CEP63: variants seen among roughly 807,000 people sequenced by gnomAD.
The protein encoded by CEP63 is centrosomal protein of 63 kDa.
CEP63 carries 84 observed loss-of-function variants against 89.1 expected under a neutral mutation model. The observed-to-expected ratio is 0.94, with a 90% CI of 0.79 to 1.13. CEP63 has a LOEUF of 1.13. Among genes scored for constraint, CEP63 ranks in the 50% most tolerant of loss-of-function variants. The pLI is 0.00. For synonymous variants in CEP63, 267 were observed against 272.5 expected, an observed-to-expected ratio of 0.98 and a Z score of 0.20; for missense variants, 838 against 813.3, an observed-to-expected ratio of 1.03 and a Z score of -0.37.
In CEP63 at chr3:134,556,414, A is replaced by AG. The variant is rs1299482826; in HGVS notation, c.1468-1726dup. 2.6e-5 allele frequency among the ~76,000 whole-genome samples: 4 copies of AG among 152,110 alleles called. No homozygotes were observed. The East Asian group carries it at 7.7e-4, about 29-fold the overall frequency. On this transcript the variant is annotated intron_variant, in intron 12 of 14. Coordinates refer to ENST00000675561, the MANE Select transcript of CEP63 (RefSeq NM_001353108.3). ...CCCACGAGGTTGGGAATAATAGGAG[A>AG]GGAGACAATAGCTAAACATTTTGTA...
At chr3:134,652,444 G>GCCCCCCCCCCCCCCCCCCCCC in the CEP63 span, among the ~76,000 whole-genome samples, 1 of 144,622 alleles carries the variant, frequency 6.9e-6, no homozygotes, top group African/African-American at 2.6e-5. Flanking sequence ...CATTACCAGC[G>GCCCCCCCCCCCCCCCCCCCCC]CCCCCCCCCA....
the CEP63 span, chr3:134,604,299 G>A: frequency 1.1e-4 from 184 of 1,613,860 alleles, no homozygotes; most frequent in Middle Eastern, 3.3e-4. Flanking sequence ...TGTAGATGTC[G>A]GAGTTGCCCT....
At chr3:134,656,024 G>C in the CEP63 span, among the ~76,000 whole-genome samples, 1 of 152,176 alleles carries the variant, frequency 6.6e-6, no homozygotes, top group Non-Finnish European at 1.5e-5. Flanking sequence ...GGTGAGGATG[G>C]TTACACTGTA....
chr3:134,485,989 A>G (rs1283754068), upstream of CEP63: 5 of 822,080 alleles, frequency 6.1e-6, no homozygotes, highest in East Asian at 2.6e-4. Flanking sequence ...TGCTCCTGCC[A>G]CGCCCCCCCC....
the CEP63 span, among the ~76,000 whole-genome samples, chr3:134,705,278 C>A: frequency 6.6e-6 from 1 of 152,126 alleles, no homozygotes; most frequent in Non-Finnish European, 1.5e-5. Flanking sequence ...TGTGTCATAA[C>A]ATGGTGGAGA....
the CEP63 span, chr3:134,624,944 A>G: frequency 6.1e-6 from 6 of 976,276 alleles, no homozygotes; most frequent in African/African-American, 6.5e-5. Context: ...GGGCCATCCA[A>G]CCAAGCCACT....
At chr3:134,719,679 C>G in the CEP63 span, among the ~76,000 whole-genome samples, 1 of 152,140 alleles carries the variant, frequency 6.6e-6, no homozygotes, top group Non-Finnish European at 1.5e-5. Context: ...TACCTTCTGT[C>G]TCTATGTATA....
At chr3:134,616,869 G>A in the CEP63 span, among the ~76,000 whole-genome samples, 1 of 152,160 alleles carries the variant, frequency 6.6e-6, no homozygotes, top group Non-Finnish European at 1.5e-5. Context: ...AAATCGGGTT[G>A]GTAACCCCCA....
At chr3:134,711,132 TA>T in the CEP63 span, among the ~76,000 whole-genome samples, 1 of 152,214 alleles carries the variant, frequency 6.6e-6, no homozygotes, top group Non-Finnish European at 1.5e-5. Context: ...TTTGATTAAA[TA>T]AATATTCAGT....
chr3:134,528,563 T>TGTGC lies in CEP63; in HGVS notation c.223-3279_223-3278insCGTG, dbSNP rs1242226662. Among the ~76,000 whole-genome samples the TGTGC allele has an allele frequency of 6.3e-3, 707 of 112,844 alleles. 6 individuals are homozygous for TGTGC. The highest frequency in any genetic ancestry group is 0.015 in the African/African-American group (477 of 32,484). 74.0% of individuals were successfully genotyped at this position (112,844 alleles called of 152,430 possible). On this transcript the variant is annotated intron_variant, in intron 3 of 14. Coordinates refer to ENST00000675561, the MANE Select transcript of CEP63 (RefSeq NM_001353108.3). ...GAAAGCTTAAGGAGGGGTGTGTGTG[T>TGTGC]GTGTGCGTGTGTGTGTGTGTGTGTG...
intron 5 of CEP63, among the ~76,000 whole-genome samples, chr3:134,534,105 C>T (rs1950336747): frequency 6.6e-6 from 1 of 152,070 alleles, no homozygotes; most frequent in South Asian, 2.1e-4. Context: ...ACATAACAAC[C>T]AAAATAGTCA....
At chr3:134,668,674 T>A in the CEP63 span, among the ~76,000 whole-genome samples, 4 of 152,246 alleles carry the variant, frequency 2.6e-5, no homozygotes, top group African/African-American at 4.8e-5. Context: ...ACCCTCATGA[T>A]AAAATCACTT....
the CEP63 span, among the ~76,000 whole-genome samples, chr3:134,749,473 G>T: frequency 2.0e-5 from 3 of 151,980 alleles, no homozygotes; most frequent in Admixed American, 2.0e-4. Context: ...AGGTATATGG[G>T]GTGGGGAGGA....
chr3:134,646,973 A>C, the CEP63 span, among the ~76,000 whole-genome samples: 7 of 152,202 alleles, frequency 4.6e-5, no homozygotes, highest in African/African-American at 1.7e-4. Context: ...TTGGAAGCTG[A>C]CTTCTTATTG....
At chr3:134,522,649 CCCCTCTAT>C (rs1322852829) in intron 3 of CEP63, among the ~76,000 whole-genome samples, 4 of 152,144 alleles carry the variant, frequency 2.6e-5, no homozygotes, top group Admixed American at 6.5e-5. Flanking sequence ...GTATGTTGTT[CCCCTCTAT>C]GTGTCCCATG....
At chr3:134,642,170 C>G in the CEP63 span, among the ~76,000 whole-genome samples, 1 of 152,198 alleles carries the variant, frequency 6.6e-6, no homozygotes, top group Non-Finnish European at 1.5e-5. Flanking sequence ...GCTGGCCTTT[C>G]ATCACTACCT....
the CEP63 span, among the ~76,000 whole-genome samples, chr3:134,753,713 C>G: frequency 6.6e-6 from 1 of 152,170 alleles, no homozygotes; most frequent in East Asian, 1.9e-4. Flanking sequence ...CATAATGCGC[C>G]TTGGAGGTAG....
At chr3:134,721,369 T>A in the CEP63 span, among the ~76,000 whole-genome samples, 2 of 152,110 alleles carry the variant, frequency 1.3e-5, no homozygotes, top group Non-Finnish European at 2.9e-5. Flanking sequence ...CCAGTTGTGT[T>A]TTAGTAGATT....
the CEP63 span, among the ~76,000 whole-genome samples, chr3:134,628,571 C>T: frequency 1.2e-4 from 18 of 152,196 alleles, no homozygotes; most frequent in African/African-American, 3.9e-4. Context: ...CCATTTATTT[C>T]TCACACCTGC....
Sources: allele counts gnomAD v4.1 joint callset (sites outside exome capture counted in the v4.1 genomes callset), GRCh38; gene constraint gnomAD v4.1.1; transcripts MANE v1.5; gene names NCBI Gene and HGNC (gene_info 2026-07-23, HGNC 2026-07-21).